Variants in RNF175 observed in about 807,000 individuals in gnomAD.
The protein encoded by RNF175 is ring finger protein 175.
RNF175 carries 38 observed loss-of-function variants against 50.0 expected under a neutral mutation model. That is an observed-to-expected ratio of 0.76 (90% CI 0.59 to 1.00). The LOEUF (loss-of-function observed/expected upper bound fraction) is 1.00, where lower values mean the gene tolerates loss of function less well. Ranked by LOEUF, RNF175 falls within the 50% of genes least tolerant of loss-of-function variation. The pLI is 0.00. For synonymous variants in RNF175, 155 were observed against 146.1 expected (o/e 1.06, Z -0.44); for missense variants, 388 against 409.6 (o/e 0.95, Z 0.46).
chr4:153,725,784 T>C lies in RNF175; in HGVS notation c.402-2326A>G, dbSNP rs182923745. 2.0e-3 allele frequency among the ~76,000 whole-genome samples: 309 copies of C among 152,354 alleles called. 1 individual carries two copies. Among genetic ancestry groups the C allele is most frequent in the African/African-American group, 6.2e-3 (258 of 41,574 alleles). ...GGTTGTGTGAGCTAATGTATTGATG[T>C]TTATTGACTTGGCACACTAAATGCT... On this transcript the variant is annotated intron_variant, in intron 4 of 8. Transcript: ENST00000347063.
intron 1 of RNF175, 38 bp from the exon 2 acceptor site, chr4:153,751,513 CT>C: frequency 6.7e-7 from 1 of 1,503,100 alleles, no homozygotes; most frequent in Non-Finnish European, 9.0e-7. Context: ...AAAAAATGTC[CT>C]TATTTTCTTG....
At chr4:153,723,286 C>T (rs1316885194) in intron 5 of RNF175, 65 bp downstream of exon 5, 2 of 783,970 alleles carry the variant, frequency 2.6e-6, no homozygotes, top group Non-Finnish European at 4.5e-6. Flanking sequence ...ATTAAGAGAA[C>T]ATGACCAGGT....
At chr4:153,742,041 G>A (rs927953543) in intron 3 of RNF175, among the ~76,000 whole-genome samples, 5 of 152,054 alleles carry the variant, frequency 3.3e-5, no homozygotes, top group Admixed American at 2.0e-4. Flanking sequence ...GAGGCCAGCC[G>A]AGGCAGGCGG....
intron 6 of RNF175, among the ~76,000 whole-genome samples, chr4:153,716,118 T>G (rs191878925): frequency 2.4e-4 from 36 of 148,612 alleles, no homozygotes; most frequent in African/African-American, 8.2e-4. Context: ...TAGTTTAGAA[T>G]GTGAGACACC....
chr4:153,715,455 C>CAGG, intron 7 of RNF175, 74 bp downstream of exon 7: 3 of 1,403,376 alleles, frequency 2.1e-6, no homozygotes, highest in Non-Finnish European at 3.0e-6. Context: ...GAGATGGGGA[C>CAGG]AGGAGGAGGA....
intron 3 of RNF175, among the ~76,000 whole-genome samples, chr4:153,729,454 T>C (rs184877321): frequency 2.9e-4 from 44 of 152,352 alleles, no homozygotes; most frequent in African/African-American, 1.0e-3. Context: ...GCTGCTGCCA[T>C]TTGTTTTCTT....
chr4:153,728,697 G>A (rs577750500), intron 3 of RNF175, among the ~76,000 whole-genome samples: 1 of 152,220 alleles, frequency 6.6e-6, no homozygotes, highest in Non-Finnish European at 1.5e-5. Flanking sequence ...ATAATTGGGG[G>A]TACAGATGCT....
At chr4:153,752,484 G>C (rs1274635825) in intron 1 of RNF175, among the ~76,000 whole-genome samples, 1 of 152,188 alleles carries the variant, frequency 6.6e-6, no homozygotes, top group East Asian at 1.9e-4. Flanking sequence ...ACCCAGAAAG[G>C]TCCTGGCATT....
At position 153,728,317 on chromosome 4, in the gene RNF175, C is replaced by T. The variant is rs768803600; in HGVS notation, c.291G>A (p.Thr97=). 26 of 1,613,510 alleles carry T rather than the reference C, an allele frequency of 1.6e-5. No individual in the cohort carries two copies. The highest frequency in any genetic ancestry group is 1.6e-4 in the Middle Eastern group (1 of 6,082). ...LQMWVVPLYF[T]IKLYWWRFLS... is the part of the protein sequence containing the mutation. ...GAAACCGCCACCAGTATAATTTTAT[C>T]GTGAAATATAAGGGGACAACCCACA... Residue 97 remains threonine (T), a synonymous_variant, in exon 4 of 9, where the codon ACG becomes ACA. Transcript: ENST00000347063.
At chr4:153,712,700 T>C in intron 7 of RNF175, 124 bp from the exon 8 acceptor site, 1 of 679,310 alleles carries the variant, frequency 1.5e-6, no homozygotes. Flanking sequence ...CACATCGCTT[T>C]TTTCGGGAGG....
At chr4:153,722,847 G>C (rs188991958) in intron 5 of RNF175, among the ~76,000 whole-genome samples, 2 of 151,536 alleles carry the variant, frequency 1.3e-5, no homozygotes, top group East Asian at 3.9e-4. Context: ...AAATGTAATT[G>C]ATATGAAAAT....
intron 4 of RNF175, among the ~76,000 whole-genome samples, chr4:153,725,230 G>T (rs555696372): frequency 4.8e-4 from 73 of 152,310 alleles, no homozygotes; most frequent in Admixed American, 2.2e-3. Flanking sequence ...AAGGAAGCCA[G>T]AGAAGGCTTT....
chr4:153,715,207 G>C lies in RNF175; in HGVS notation c.764+322C>G, dbSNP rs536170013. 83 of 391,704 alleles carry C rather than the reference G, an allele frequency of 2.1e-4. 1 individual carries two copies. The highest frequency in any genetic ancestry group is 1.7e-3 in the South Asian group (79 of 46,332). 24.3% of individuals were successfully genotyped at this position (391,704 alleles called of 1,614,324 possible). On this transcript the variant is annotated intron_variant, in intron 7 of 8. Transcript: ENST00000347063. ...TCACCTCCAAACCCCTTCTTTCCCT[G>C]ATCTTTGTTGGCTATCTGCTCACTT...
At chr4:153,742,228 C>A (rs1365563249) in intron 3 of RNF175, among the ~76,000 whole-genome samples, 1 of 135,936 alleles carries the variant, frequency 7.4e-6, no homozygotes, top group Non-Finnish European at 1.5e-5. Flanking sequence ...GAGCCGAGAT[C>A]ATGCCACTGC....
chr4:153,751,797 C>G (rs1231899493), intron 1 of RNF175, among the ~76,000 whole-genome samples: 1 of 152,060 alleles, frequency 6.6e-6, no homozygotes, highest in East Asian at 1.9e-4. Flanking sequence ...CCATGCTACT[C>G]TGGCTTCTAG....
rs111360021 is a variant in RNF175, at chr4:153,744,051, C to A, written c.246+4594G>T. Among the ~76,000 whole-genome samples, 467 of 152,284 alleles carry A rather than the reference C, an allele frequency of 3.1e-3. 4 individuals carry two copies. Among genetic ancestry groups the A allele is most frequent in the South Asian group, 9.3e-3 (45 of 4,820 alleles). The stretch of plus-strand genomic sequence containing the variant: ...ACACTTACTGGTGCAGTGACACACA[C>A]CCTCCAAGACCTGACACAAGAGCAG... On this transcript the variant is annotated intron_variant, in intron 3 of 8. Transcript: ENST00000347063.
Position 153,710,374 on chromosome 4 carries a change from C to G in RNF175, c.982G>C (p.Glu328Gln). The change falls in exon 9 of 9, where the codon GAA (glutamate) becomes CAA (glutamine). Residue 328 changes from glutamate (E) to glutamine (Q), a missense_variant. By Grantham distance (29) the Glu-to-Gln change is conservative. Coordinates refer to ENST00000347063, the MANE Select transcript of RNF175 (RefSeq NM_173662.4). Reference sequence around the variant, plus strand: ...TGCTTCTGGGGTCTGCTGTCCTATTCCAGCCCTAGTGAATAGATAATGCCT... The same window carrying G: ...TGCTTCTGGGGTCTGCTGTCCTATTGCAGCCCTAGTGAATAGATAATGCCT... ...VQGIIYSLGL[E>Q] The G allele has an allele frequency of 6.4e-7, 1 of 1,553,910 alleles. No individual in the cohort carries two copies. The highest frequency in any genetic ancestry group is 8.7e-7 in the Non-Finnish European group (1 of 1,147,420).
At chr4:153,740,603 C>T (rs78436201) in intron 3 of RNF175, among the ~76,000 whole-genome samples, 2 of 152,172 alleles carry the variant, frequency 1.3e-5, no homozygotes, top group Admixed American at 1.3e-4. Context: ...CTCCTCTTTC[C>T]CCATCTACCC....
At chr4:153,721,124 T>C (rs1470861325) in intron 5 of RNF175, among the ~76,000 whole-genome samples, 1 of 151,704 alleles carries the variant, frequency 6.6e-6, no homozygotes, top group Non-Finnish European at 1.5e-5. Context: ...ATTTCAATTA[T>C]ACCAGGATTC....
Sources: allele counts gnomAD v4.1 joint callset (sites outside exome capture counted in the v4.1 genomes callset), GRCh38; gene constraint gnomAD v4.1.1; transcripts MANE v1.5; gene names NCBI Gene and HGNC (gene_info 2026-07-23, HGNC 2026-07-21).